LRRFIP1: variants seen among roughly 807,000 people sequenced by gnomAD.
LRRFIP1 encodes the protein leucine-rich repeat flightless-interacting protein 1.
In LRRFIP1, 62 loss-of-function variants were observed where a neutral mutation model predicts 104.4. The ratio of observed to expected loss-of-function variants is 0.59; its 90% confidence interval spans 0.48 to 0.73. The LOEUF (loss-of-function observed/expected upper bound fraction) is 0.73. Among genes scored for constraint, LRRFIP1 ranks in the 30% least tolerant of loss-of-function variants. The probability of loss-of-function intolerance (pLI) is 0.00; values close to 1 mark genes in which losing one functional copy is unlikely to be tolerated. For missense variants in LRRFIP1, 796 were observed against 824.5 expected, an observed-to-expected ratio of 0.97 and a Z score of 0.42; for synonymous variants, 300 against 299.0, an observed-to-expected ratio of 1.00 and a Z score of -0.03.
chr2:237,670,823 G>C (rs780239472), intron 1 of LRRFIP1, among the ~76,000 whole-genome samples: 9 of 152,232 alleles, frequency 5.9e-5, no homozygotes, highest in Non-Finnish European at 1.3e-4. Flanking sequence ...CCGTGGGGCC[G>C]TTACGAGAAG....
intron 5 of LRRFIP1, among the ~76,000 whole-genome samples, chr2:237,720,108 G>T (rs2094487820): frequency 6.6e-6 from 1 of 151,860 alleles, no homozygotes; most frequent in South Asian, 2.1e-4. Context: ...CGCCACACCT[G>T]ACTAATTTTT....
chr2:237,760,837 G>A (rs1410421016), intron 19 of LRRFIP1, among the ~76,000 whole-genome samples: 5 of 152,162 alleles, frequency 3.3e-5, no homozygotes, highest in African/African-American at 7.2e-5. Context: ...TGTATGCCAC[G>A]TGTTTGCTTC....
At chr2:237,776,161 T>C (rs1232463146) in intron 23 of LRRFIP1, among the ~76,000 whole-genome samples, 1 of 152,036 alleles carries the variant, frequency 6.6e-6, no homozygotes, top group Non-Finnish European at 1.5e-5. Context: ...GGTTTCTCCA[T>C]GTTGGCCAGG....
At chr2:237,746,244 A>C (rs1393386899) in intron 11 of LRRFIP1, among the ~76,000 whole-genome samples, 1 of 152,018 alleles carries the variant, frequency 6.6e-6, no homozygotes, top group Non-Finnish European at 1.5e-5. Flanking sequence ...ATTTTAATAG[A>C]GACAGGGTTT....
chr2:237,657,939 A>G (rs532553223), intron 1 of LRRFIP1, among the ~76,000 whole-genome samples: 272 of 152,318 alleles, frequency 1.8e-3, no homozygotes, highest in Non-Finnish European at 3.1e-3. Flanking sequence ...TTAAACCCCA[A>G]GGTTCAGAAC....
At chr2:237,692,510 G>A in intron 1 of LRRFIP1, 3 of 1,531,656 alleles carry the variant, frequency 2.0e-6, no homozygotes, top group Non-Finnish European at 2.6e-6. Context: ...GAGCCCGGAA[G>A]CGCAGAAGCT....
At chr2:237,765,973 A>T in intron 19 of LRRFIP1, 1 of 943,608 alleles carries the variant, frequency 1.1e-6, no homozygotes, top group Non-Finnish European at 1.3e-6. Context: ...TGTTGTATGT[A>T]ATACCACCTT....
chr2:237,774,906 C>T (rs1169207414), intron 23 of LRRFIP1, among the ~76,000 whole-genome samples: 1 of 152,234 alleles, frequency 6.6e-6, no homozygotes, highest in Non-Finnish European at 1.5e-5. Context: ...CTTGAGAAGC[C>T]GAGCTGCTGT....
intron 21 of LRRFIP1, 147 bp downstream of exon 21, chr2:237,772,345 G>T: frequency 1.6e-6 from 1 of 626,776 alleles, no homozygotes; most frequent in East Asian, 2.8e-5. Context: ...GCACAAGGAG[G>T]GGTAGGTAGA....
At chr2:237,769,743 G>T in intron 19 of LRRFIP1, 200 bp from the exon 20 acceptor site, 1 of 569,296 alleles carries the variant, frequency 1.8e-6, no homozygotes. Context: ...CGTGAAGCAT[G>T]TTCTGGGAGG....
chr2:237,731,255 C>G (rs893109308), intron 8 of LRRFIP1, among the ~76,000 whole-genome samples: 1 of 152,228 alleles, frequency 6.6e-6, no homozygotes, highest in Admixed American at 6.5e-5. Flanking sequence ...CCTTCCCCGC[C>G]CTGTCCCCAA....
At chr2:237,710,333 G>T (rs142280749) in intron 2 of LRRFIP1, among the ~76,000 whole-genome samples, 2,971 of 151,628 alleles carry the variant, frequency 0.02, 107 homozygotes, top group African/African-American at 0.067. Flanking sequence ...GCCCAGGCTG[G>T]AGTGCAGTGG....
At chr2:237,756,829 G>T (rs1339421261) in intron 16 of LRRFIP1, among the ~76,000 whole-genome samples, 1 of 152,174 alleles carries the variant, frequency 6.6e-6, no homozygotes, top group African/African-American at 2.4e-5. Flanking sequence ...TGGTTAAAGG[G>T]CCCCTGCAGT....
intron 1 of LRRFIP1, chr2:237,692,650 C>T: frequency 1.6e-6 from 2 of 1,247,790 alleles, no homozygotes; most frequent in Non-Finnish European, 2.1e-6. Flanking sequence ...GGCGGGACCC[C>T]AGCGCGGTGG....
chr2:237,642,169 T>C (rs988737583), intron 1 of LRRFIP1, among the ~76,000 whole-genome samples: 9 of 152,188 alleles, frequency 5.9e-5, no homozygotes, highest in Admixed American at 3.3e-4. Context: ...TATGAGGCAA[T>C]GCAGACACGA....
intron 1 of LRRFIP1, among the ~76,000 whole-genome samples, chr2:237,705,624 A>T (rs893702357): frequency 1.3e-5 from 2 of 151,778 alleles, no homozygotes; most frequent in Non-Finnish European, 2.9e-5. Context: ...TGATCACGCC[A>T]CTGCACTCCA....
intron 1 of LRRFIP1, among the ~76,000 whole-genome samples, chr2:237,659,971 G>A (rs983913709): frequency 6.6e-6 from 1 of 152,142 alleles, no homozygotes; most frequent in Non-Finnish European, 1.5e-5. Flanking sequence ...AAAATATTTC[G>A]TGTAAGTTAC....
intron 11 of LRRFIP1, among the ~76,000 whole-genome samples, chr2:237,746,032 C>G (rs10929246): frequency 6.6e-6 from 1 of 150,820 alleles, no homozygotes; most frequent in Non-Finnish European, 1.5e-5. Context: ...TTTCCTTGTT[C>G]TTTGAAATTT....
intron 1 of LRRFIP1, among the ~76,000 whole-genome samples, chr2:237,630,928 C>G (rs978842909): frequency 6.6e-6 from 1 of 152,224 alleles, no homozygotes; most frequent in Admixed American, 6.5e-5. Flanking sequence ...CTCCAGAGAG[C>G]TAGCAGTATC....
Sources: allele counts gnomAD v4.1 joint callset (sites outside exome capture counted in the v4.1 genomes callset), GRCh38; gene constraint gnomAD v4.1.1; transcripts MANE v1.5; gene names NCBI Gene and HGNC (gene_info 2026-07-23, HGNC 2026-07-21).